Variants in ZBTB49 observed in about 807,000 individuals in gnomAD.
The protein encoded by ZBTB49 is zinc finger and BTB domain-containing protein 49.
Under a neutral mutation model 57.5 loss-of-function variants are expected in ZBTB49, and 43 were observed. That is an observed-to-expected ratio of 0.75 (90% CI 0.59 to 0.97). The LOEUF (loss-of-function observed/expected upper bound fraction) is 0.97, where lower values mean the gene tolerates loss of function less well. ZBTB49 is among the 50% of genes least tolerant of loss of function. The pLI is 0.00. For missense variants in ZBTB49, 938 were observed against 947.7 expected (o/e 0.99, Z 0.13); for synonymous variants, 369 against 362.1 (o/e 1.02, Z -0.22).
chr4:4,299,017 A>C (rs566675795), intron 1 of ZBTB49, among the ~76,000 whole-genome samples: 1 of 152,284 alleles, frequency 6.6e-6, no homozygotes, highest in South Asian at 2.1e-4. Flanking sequence ...TCAGTTGGAG[A>C]ACAGAGGCTG....
intron 4 of ZBTB49, among the ~76,000 whole-genome samples, chr4:4,307,535 G>A (rs1560111361): frequency 6.6e-6 from 1 of 152,188 alleles, no homozygotes. Flanking sequence ...AGGAGTAAAT[G>A]AGGTAATAAC....
At position 4,321,152 on chromosome 4, in the gene ZBTB49, A is replaced by G. The variant is rs905045887; in HGVS notation, c.2134A>G (p.Ile712Val). Residue 712 changes from isoleucine (I) to valine (V), a missense_variant, in exon 8 of 8, where the codon ATC becomes GTC. Ile to Val is a conservative substitution (Grantham distance 29). This residue lies in a region of ZBTB49 where 835 missense variants were observed against 819.1 expected (regional missense o/e 1.02). Coordinates refer to ENST00000337872, the MANE Select transcript of ZBTB49 (RefSeq NM_145291.4). ...ACTGCAGGCCGATGGCATGGCCATGATCCGTTCCTCTCTGGCTGCTTTGGA... is the reference window on the plus strand; with the variant it reads ...ACTGCAGGCCGATGGCATGGCCATGGTCCGTTCCTCTCTGGCTGCTTTGGA... ...EPLQADGMAMIRSSLAALDNH... is the reference protein window; with the variant it reads ...EPLQADGMAMVRSSLAALDNH... The G allele has an allele frequency of 1.2e-6, 2 of 1,614,118 alleles. No individual in the cohort carries two copies. The highest frequency in any genetic ancestry group is 1.7e-6 in the Non-Finnish European group (2 of 1,180,026).
intron 3 of ZBTB49, among the ~76,000 whole-genome samples, chr4:4,303,576 G>A (rs953402767): frequency 6.6e-6 from 1 of 151,880 alleles, no homozygotes; most frequent in African/African-American, 2.4e-5. Context: ...TTCTAATTTG[G>A]GAGTCAGGAA....
chr4:4,321,606 G>A lies in ZBTB49; in HGVS notation c.*290G>A, dbSNP rs535297233. Reference sequence around the variant, plus strand: ...TGTGGGGGGGAAGCGCGTGTGCATCGTGTCAACTACTGTACATGTTGGTCA... The same window carrying A: ...TGTGGGGGGGAAGCGCGTGTGCATCATGTCAACTACTGTACATGTTGGTCA... On this transcript the variant is annotated 3_prime_UTR_variant, in exon 8 of 8. Coordinates refer to ENST00000337872, the MANE Select transcript of ZBTB49 (RefSeq NM_145291.4). The A allele has an allele frequency of 2.0e-4, 95 of 480,814 alleles. No individual in the cohort carries two copies. The highest frequency in any genetic ancestry group is 3.1e-4 in the Non-Finnish European group (83 of 269,122). 29.8% of individuals were successfully genotyped at this position (480,814 alleles called of 1,614,324 possible). A position where few individuals can be genotyped will look rare whatever the true frequency, so the allele number is the denominator to read the frequency against.
chr4:4,300,500 T>G (rs1720428811), intron 2 of ZBTB49, among the ~76,000 whole-genome samples: 1 of 152,144 alleles, frequency 6.6e-6, no homozygotes, highest in Non-Finnish European at 1.5e-5. Flanking sequence ...TGGTGTTGGA[T>G]TTTTCTTTTC....
rs1721387074 is a variant in ZBTB49, at chr4:4,320,921, C to T, written c.1903C>T (p.His635Tyr). The change falls in exon 8 of 8, where the codon CAC (histidine) becomes TAC (tyrosine). Residue 635 changes from histidine (H) to tyrosine (Y), a missense_variant. His to Tyr is a moderately conservative substitution (Grantham distance 83). Around this residue, in one of 3 missense-constraint regions of ZBTB49, gnomAD observed 835 missense variants for 819.1 expected, o/e 1.02. Coordinates refer to ENST00000337872, the MANE Select transcript of ZBTB49 (RefSeq NM_145291.4). ...GCCAGTGTCGGTTAAACTCCCTGTC[C>T]ACCCAGTGGAAAATTCTGTGGCAGA... The part of the protein sequence containing the change: ...LMPVSVKLPV[H>Y]PVENSVAEFD... 6.2e-7 allele frequency: 1 copy of T among 1,614,190 alleles called. No homozygotes were observed. The highest frequency in any genetic ancestry group is 2.2e-5 in the East Asian group (1 of 44,872).
intron 4 of ZBTB49, among the ~76,000 whole-genome samples, chr4:4,308,763 G>C (rs535390570): frequency 2.6e-5 from 4 of 152,200 alleles, no homozygotes; most frequent in African/African-American, 9.6e-5. Flanking sequence ...AGCAACAGAC[G>C]TGTAAATGAT....
chr4:4,311,703 C>G (rs1017095553), intron 4 of ZBTB49, among the ~76,000 whole-genome samples: 16 of 152,158 alleles, frequency 1.1e-4, no homozygotes, highest in African/African-American at 3.9e-4. Flanking sequence ...ATTTGAAGTT[C>G]AGCAAATGTA....
intron 4 of ZBTB49, among the ~76,000 whole-genome samples, chr4:4,309,350 TC>T (rs930960158): frequency 3.9e-5 from 6 of 152,210 alleles, no homozygotes; most frequent in African/African-American, 1.4e-4. Flanking sequence ...AAGAGTCATG[TC>T]CTACTTTAGA....
intron 1 of ZBTB49, among the ~76,000 whole-genome samples, chr4:4,297,160 G>A (rs891347940): frequency 2.0e-5 from 3 of 152,130 alleles, no homozygotes; most frequent in African/African-American, 7.2e-5. Flanking sequence ...AACCTCCCCC[G>A]CCTGGGTTCA....
chr4:4,316,801 G>A (rs1721211661), intron 7 of ZBTB49, among the ~76,000 whole-genome samples: 1 of 152,172 alleles, frequency 6.6e-6, no homozygotes, highest in Non-Finnish European at 1.5e-5. Context: ...ATTGTACACG[G>A]ATCTTCTGGA....
intron 4 of ZBTB49, among the ~76,000 whole-genome samples, chr4:4,308,814 G>A (rs773601664): frequency 6.6e-6 from 1 of 152,168 alleles, no homozygotes; most frequent in Non-Finnish European, 1.5e-5. Flanking sequence ...AGTTATCTAC[G>A]GGAACAGTGT....
Position 4,302,261 on chromosome 4 carries a change from CA to C in ZBTB49, c.426del (p.Asp143MetfsTer110), listed in dbSNP as rs1560107701. 2 of 1,614,228 alleles carry C rather than the reference CA, an allele frequency of 1.2e-6. No homozygotes were observed. Among genetic ancestry groups the C allele is most frequent in the South Asian group, 2.2e-5 (2 of 91,088 alleles). The part of the protein sequence containing the change: ...STLSLQSTLT[P>X]DATCVISENY... ...TTGTCTCTACAAAGCACCCTGACCC[CA>C]GATGCCACTTGTGTTATCAGTGAAA... On this transcript the variant is annotated frameshift_variant, in exon 3 of 8. Transcript: ENST00000337872. LOFTEE classifies it high-confidence loss of function.
intron 4 of ZBTB49, among the ~76,000 whole-genome samples, chr4:4,309,384 G>C (rs1011571741): frequency 6.6e-6 from 1 of 152,218 alleles, no homozygotes; most frequent in Non-Finnish European, 1.5e-5. Flanking sequence ...CGCAGTCAGA[G>C]GGAAGTGTTT....
At chr4:4,312,983 A>G in intron 4 of ZBTB49, 58 bp from the exon 5 acceptor site, 1 of 1,569,130 alleles carries the variant, frequency 6.4e-7, no homozygotes, top group Non-Finnish European at 8.7e-7. Flanking sequence ...GAATTTATAT[A>G]ATTTAAAAAA....
chr4:4,303,049 A>C lies in ZBTB49; in HGVS notation c.1213A>C (p.Lys405Gln). The C allele has an allele frequency of 6.2e-7, 1 of 1,612,266 alleles. No homozygotes were observed. Among genetic ancestry groups the C allele is most frequent in the Non-Finnish European group, 8.5e-7 (1 of 1,179,062 alleles). The change falls in exon 3 of 8, where the codon AAA (lysine) becomes CAA (glutamine). Residue 405 changes from lysine to glutamine, a missense_variant. Transcript: ENST00000337872. ...YACELCGKPF[K>Q]HPSNLELHKR... ...GTGTGAATTATGCGGGAAACCTTTTAAACACCCAAGCAACTTGGAGCTTCA... is the reference window on the plus strand; with the variant it reads ...GTGTGAATTATGCGGGAAACCTTTTCAACACCCAAGCAACTTGGAGCTTCA...
chr4:4,318,017 C>T (rs752422461), intron 7 of ZBTB49, among the ~76,000 whole-genome samples: 3 of 152,182 alleles, frequency 2.0e-5, no homozygotes, highest in Non-Finnish European at 4.4e-5. Flanking sequence ...GGTGGCAGCC[C>T]TCAGGCCTGT....
At chr4:4,303,345 A>G (rs1236480784) in intron 3 of ZBTB49, among the ~76,000 whole-genome samples, 1 of 152,234 alleles carries the variant, frequency 6.6e-6, no homozygotes, top group African/African-American at 2.4e-5. Context: ...CTACATTTTT[A>G]TATGACAAGC....
At chr4:4,309,623 G>A (rs1720898196) in intron 4 of ZBTB49, among the ~76,000 whole-genome samples, 1 of 152,202 alleles carries the variant, frequency 6.6e-6, no homozygotes, top group African/African-American at 2.4e-5. Context: ...TGCCAGCAGC[G>A]CCGTCTAGCC....
Sources: gnomAD v4.1 joint callset for allele counts (sites outside exome capture counted in the v4.1 genomes callset) on GRCh38, gnomAD v4.1.1 for gene constraint, gnomAD v4.1.1 regional missense constraint, MANE v1.5 for transcripts, NCBI Gene and HGNC (gene_info 2026-07-23, HGNC 2026-07-21) for gene names.